PDE10A: variants seen among roughly 807,000 people sequenced by gnomAD.
PDE10A encodes the protein cAMP and cAMP-inhibited cGMP 3',5'-cyclic phosphodiesterase 10A.
PDE10A carries 39 observed loss-of-function variants against 97.7 expected under a neutral mutation model. That is an observed-to-expected ratio of 0.40 (90% CI 0.31 to 0.52). The LOEUF is 0.52. PDE10A is among the 20% of genes least tolerant of loss of function. The pLI is 0.56. For synonymous variants in PDE10A, 371 were observed against 376.8 expected, an observed-to-expected ratio of 0.98 and a Z score of 0.18; for missense variants, 731 against 1,047.8, an observed-to-expected ratio of 0.70 and a Z score of 4.17.
intron 2 of PDE10A, among the ~76,000 whole-genome samples, chr6:165,522,512 CT>C (rs1189249513): frequency 1.3e-5 from 2 of 151,952 alleles, no homozygotes; most frequent in Admixed American, 6.6e-5. Flanking sequence ...AAAAAAAGGT[CT>C]TTTTAAATGT....
At chr6:165,838,114 A>T (rs1780118088) in intron 1 of PDE10A, among the ~76,000 whole-genome samples, 1 of 152,238 alleles carries the variant, frequency 6.6e-6, no homozygotes, top group African/African-American at 2.4e-5. Flanking sequence ...CTGTAATTGT[A>T]GGGTTTGAGT....
At chr6:165,368,328 T>C (rs1001628076) in intron 18 of PDE10A, among the ~76,000 whole-genome samples, 1 of 152,242 alleles carries the variant, frequency 6.6e-6, no homozygotes, top group Non-Finnish European at 1.5e-5. Flanking sequence ...AATTGATTCA[T>C]TATTTAATTT....
At chr6:165,513,527 T>A (rs2128303188) in intron 2 of PDE10A, among the ~76,000 whole-genome samples, 1 of 152,280 alleles carries the variant, frequency 6.6e-6, no homozygotes, top group African/African-American at 2.4e-5. Context: ...AGAGGTCCTT[T>A]GCATTTCCAT....
intron 2 of PDE10A, among the ~76,000 whole-genome samples, chr6:165,484,255 C>G (rs560654831): frequency 8.6e-4 from 131 of 152,344 alleles, no homozygotes; most frequent in Middle Eastern, 3.4e-3. Context: ...ACTTTACTTT[C>G]TCTTCTAGAG....
intron 1 of PDE10A, among the ~76,000 whole-genome samples, chr6:165,926,010 T>A (rs930381487): frequency 6.6e-6 from 1 of 152,208 alleles, no homozygotes; most frequent in Non-Finnish European, 1.5e-5. Context: ...TCTGTATTAT[T>A]TTTTACAATT....
intron 1 of PDE10A, among the ~76,000 whole-genome samples, chr6:165,831,301 G>C (rs1232205619): frequency 6.9e-6 from 1 of 144,900 alleles, no homozygotes; most frequent in African/African-American, 2.6e-5. Context: ...GAACCCAGGA[G>C]GTGGAGCTTG....
At chr6:165,628,528 AT>A (rs1298066674) in intron 1 of PDE10A, among the ~76,000 whole-genome samples, 1 of 151,914 alleles carries the variant, frequency 6.6e-6, no homozygotes, top group Non-Finnish European at 1.5e-5. Context: ...AATTATTTTT[AT>A]TTTTTAATAT....
intron 2 of PDE10A, among the ~76,000 whole-genome samples, chr6:165,499,877 GA>G (rs1309532651): frequency 1.3e-5 from 2 of 151,928 alleles, no homozygotes; most frequent in South Asian, 2.1e-4. Flanking sequence ...AACACATAGG[GA>G]AAAAAAGTCA....
intron 1 of PDE10A, among the ~76,000 whole-genome samples, chr6:165,650,334 C>T (rs754808778): frequency 6.6e-6 from 1 of 152,136 alleles, no homozygotes; most frequent in African/African-American, 2.4e-5. Context: ...AAAGTCTCCC[C>T]ACAACTCTGG....
chr6:165,958,041 T>C (rs889107553), intron 1 of PDE10A, among the ~76,000 whole-genome samples: 1 of 152,072 alleles, frequency 6.6e-6, no homozygotes, highest in Non-Finnish European at 1.5e-5. Flanking sequence ...CAGGAGAAAA[T>C]TATTGAGACA....
chr6:165,604,768 T>A (rs1292640104), intron 1 of PDE10A, among the ~76,000 whole-genome samples: 1 of 152,192 alleles, frequency 6.6e-6, no homozygotes, highest in Non-Finnish European at 1.5e-5. Flanking sequence ...AAAGGTACCA[T>A]TCTGTTTAAG....
chr6:165,728,876 A>C (rs1253644151), intron 1 of PDE10A, among the ~76,000 whole-genome samples: 1 of 152,172 alleles, frequency 6.6e-6, no homozygotes, highest in Non-Finnish European at 1.5e-5. Context: ...TTACTGCCTA[A>C]TTTATATTAT....
At chr6:165,814,035 C>T (rs979899754) in intron 1 of PDE10A, among the ~76,000 whole-genome samples, 3 of 152,188 alleles carry the variant, frequency 2.0e-5, no homozygotes, top group African/African-American at 7.2e-5. Flanking sequence ...ACTGTCATTT[C>T]TAGAGTAGGG....
intron 1 of PDE10A, among the ~76,000 whole-genome samples, chr6:165,816,002 T>A (rs542575783): frequency 6.6e-6 from 1 of 151,928 alleles, no homozygotes; most frequent in Admixed American, 6.6e-5. Context: ...CAGGCTGGAG[T>A]GCAGTGGCGT....
chr6:165,647,346 G>A (rs949013875), intron 1 of PDE10A, among the ~76,000 whole-genome samples: 2 of 152,216 alleles, frequency 1.3e-5, no homozygotes, highest in Non-Finnish European at 2.9e-5. Flanking sequence ...CCAGCAGCAG[G>A]AGACCCAACA....
At chr6:165,839,828 TC>T (rs1780174890) in intron 1 of PDE10A, among the ~76,000 whole-genome samples, 1 of 8,376 alleles carries the variant, frequency 1.2e-4, no homozygotes, top group African/African-American at 4.4e-4. Context: ...CCATCTCCAA[TC>T]TCGTCTCCAT....
chr6:165,967,237 G>A (rs1291465324), intron 1 of PDE10A, among the ~76,000 whole-genome samples: 2 of 152,284 alleles, frequency 1.3e-5, no homozygotes, highest in East Asian at 1.9e-4. Context: ...AGTGGTTCAC[G>A]CCTGTAATCT....
intron 1 of PDE10A, among the ~76,000 whole-genome samples, chr6:165,645,730 T>C (rs1274743185): frequency 6.6e-6 from 1 of 151,720 alleles, no homozygotes; most frequent in African/African-American, 2.4e-5. Context: ...GGTGTGCACC[T>C]GTAATCCCAG....
chr6:165,486,454 G>T (rs938550275), intron 2 of PDE10A, among the ~76,000 whole-genome samples: 7 of 152,174 alleles, frequency 4.6e-5, no homozygotes, highest in African/African-American at 1.7e-4. Context: ...AGCTCCTTAG[G>T]TCGCTTCTGA....
Sources: gnomAD v4.1 joint callset for allele counts (sites outside exome capture counted in the v4.1 genomes callset) on GRCh38, gnomAD v4.1.1 for gene constraint, MANE v1.5 for transcripts, NCBI Gene and HGNC (gene_info 2026-07-23, HGNC 2026-07-21) for gene names.